Variants in GAD2 observed in about 807,000 individuals in gnomAD.
GAD2 encodes the protein glutamate decarboxylase 2.
A neutral mutation model predicts 80.1 loss-of-function variants in GAD2; 22 were observed. The ratio of observed to expected loss-of-function variants is 0.27; its 90% CI spans 0.20 to 0.39. The LOEUF is 0.39. Among genes scored for constraint, GAD2 ranks in the 10% least tolerant of loss-of-function variants. The pLI, the probability that GAD2 is intolerant of heterozygous loss-of-function variation, is 1.00. For missense variants in GAD2, 624 were observed against 738.4 expected (o/e 0.85, Z 1.80); for synonymous variants, 274 against 256.9 (o/e 1.07, Z -0.64).
chr10:26,297,516 A>G (rs571453657), intron 15 of GAD2, among the ~76,000 whole-genome samples: 1 of 152,352 alleles, frequency 6.6e-6, no homozygotes, highest in South Asian at 2.1e-4. Context: ...GCAGGCCCAA[A>G]GAGCTCTTGT....
chr10:26,255,594 A>G (rs1438889237), intron 8 of GAD2, among the ~76,000 whole-genome samples: 1 of 112,610 alleles, frequency 8.9e-6, no homozygotes, highest in Admixed American at 8.2e-5. Context: ...AATGTGAATT[A>G]TGGAAGGAAA....
Position 26,223,902 on chromosome 10 carries a change from T to G in GAD2, c.536T>G (p.Phe179Cys). The part of the protein sequence containing the change: ...YAIKTGHPRY[F>C]NQLSTGLDMV... The stretch of plus-strand genomic sequence containing the variant: ...TTTTATTCAGGGCATCCTAGATACT[T>G]CAATCAACTTTCTACTGGTTTGGAT... The change falls in exon 5 of 16, where the codon TTC (phenylalanine) becomes TGC (cysteine). Residue 179 changes from phenylalanine to cysteine, a missense_variant. Transcript: ENST00000376261. 4 of 1,608,290 alleles carry G rather than the reference T, an allele frequency of 2.5e-6. No individual in the cohort carries two copies. Among genetic ancestry groups the G allele is most frequent in the Non-Finnish European group, 3.4e-6 (4 of 1,177,746 alleles).
At chr10:26,232,589 G>A (rs940171306) in intron 7 of GAD2, among the ~76,000 whole-genome samples, 1 of 150,734 alleles carries the variant, frequency 6.6e-6, no homozygotes, top group Non-Finnish European at 1.5e-5. Flanking sequence ...CTCCATCTCT[G>A]GGGTTCAAGA....
chr10:26,226,827 A>G (rs1289541840), intron 6 of GAD2, among the ~76,000 whole-genome samples: 3 of 152,178 alleles, frequency 2.0e-5, no homozygotes, highest in Non-Finnish European at 4.4e-5. Context: ...TTGTGATGTC[A>G]CCTACACTGG....
chr10:26,259,992 A>G (rs1844990036), intron 8 of GAD2, among the ~76,000 whole-genome samples: 1 of 152,224 alleles, frequency 6.6e-6, no homozygotes, highest in African/African-American at 2.4e-5. Flanking sequence ...AAAAGAACCT[A>G]GATATAATCT....
intron 8 of GAD2, among the ~76,000 whole-genome samples, chr10:26,248,377 C>G (rs1392642304): frequency 3.3e-5 from 5 of 152,152 alleles, no homozygotes; most frequent in Admixed American, 2.6e-4. Context: ...CCTCCAGGCC[C>G]TTCAGGAAGA....
In GAD2 at chr10:26,223,915, T is replaced by C. The variant is rs145059012; in HGVS notation, c.549T>C (p.Ser183=). 19 of 1,609,894 alleles carry C rather than the reference T, an allele frequency of 1.2e-5. No individual in the cohort carries two copies. The highest frequency in any genetic ancestry group is 1.4e-5 in the Non-Finnish European group (16 of 1,178,642). Residue 183 remains serine, a synonymous_variant, in exon 5 of 16, where the codon TCT becomes TCC. Transcript: ENST00000376261. ...ATCCTAGATACTTCAATCAACTTTCTACTGGTTTGGATATGGTTGGATTAG... is the reference window on the plus strand; with the variant it reads ...ATCCTAGATACTTCAATCAACTTTCCACTGGTTTGGATATGGTTGGATTAG... ...TGHPRYFNQL[S]TGLDMVGLAA...
At chr10:26,234,918 G>A (rs1844652782) in intron 7 of GAD2, among the ~76,000 whole-genome samples, 1 of 152,070 alleles carries the variant, frequency 6.6e-6, no homozygotes, top group African/African-American at 2.4e-5. Context: ...TGTTACCCAG[G>A]CTAGAGTGCA....
At chr10:26,256,654 G>A (rs535972432) in intron 8 of GAD2, among the ~76,000 whole-genome samples, 2 of 152,342 alleles carry the variant, frequency 1.3e-5, no homozygotes, top group African/African-American at 4.8e-5. Flanking sequence ...TTAGATTCAA[G>A]TGATGCATTT....
intron 7 of GAD2, 63 bp from the exon 8 acceptor site, chr10:26,245,858 G>A: frequency 7.9e-7 from 1 of 1,264,862 alleles, no homozygotes; most frequent in Non-Finnish European, 1.1e-6. Flanking sequence ...AAAACAAACA[G>A]CCAGTGGAAT....
chr10:26,270,485 A>G (rs1279168328), intron 9 of GAD2, among the ~76,000 whole-genome samples, 155 bp from the exon 10 acceptor site: 2 of 152,136 alleles, frequency 1.3e-5, no homozygotes, highest in Non-Finnish European at 2.9e-5. Flanking sequence ...GTGAACATCA[A>G]TTTGTCCCAG....
chr10:26,276,391 T>C (rs796376691), intron 11 of GAD2, among the ~76,000 whole-genome samples: 86 of 152,190 alleles, frequency 5.7e-4, no homozygotes, highest in African/African-American at 1.8e-3. Context: ...TTTTTATTTA[T>C]TTATTTTTGA....
intron 12 of GAD2, among the ~76,000 whole-genome samples, chr10:26,282,050 C>G (rs1169311990): frequency 1.3e-5 from 2 of 152,078 alleles, no homozygotes; most frequent in Non-Finnish European, 2.9e-5. Context: ...TCAAGCGATT[C>G]TCATATCTCA....
chr10:26,221,801 G>A (rs1048303688), intron 4 of GAD2, among the ~76,000 whole-genome samples: 1 of 152,242 alleles, frequency 6.6e-6, no homozygotes, highest in African/African-American at 2.4e-5. Flanking sequence ...AGGCTGTGTG[G>A]CCACCCAATG....
chr10:26,292,818 C>T (rs894679446), intron 14 of GAD2, 84 bp from the exon 15 acceptor site: 26 of 1,149,066 alleles, frequency 2.3e-5, no homozygotes, highest in Middle Eastern at 3.9e-4. Context: ...TCTGAACCTG[C>T]TGAATACATC....
Position 26,218,005 on chromosome 10 carries a change from G to C in GAD2, c.286+14G>C. The C allele has an allele frequency of 6.3e-7, 1 of 1,584,648 alleles. No individual in the cohort carries two copies. The highest frequency in any genetic ancestry group is 1.1e-5 in the South Asian group (1 of 87,508). On this transcript the variant is annotated intron_variant, in intron 3 of 15. Coordinates refer to ENST00000376261, the MANE Select transcript of GAD2 (RefSeq NM_001134366.2). ...TCCATGCAACAGGTAAAGACTCAGC[G>C]GGGAGCCCCGGGGCGCCCCTGCCCC...
intron 12 of GAD2, among the ~76,000 whole-genome samples, chr10:26,281,928 A>C (rs1021450571): frequency 7.9e-5 from 12 of 152,138 alleles, no homozygotes; most frequent in Non-Finnish European, 1.3e-4. Context: ...GAAATTTTAA[A>C]TGTTGATCTT....
rs372865003 is a variant in GAD2, at chr10:26,292,420, C to G, written c.1387-45C>G. The G allele has an allele frequency of 2.1e-6, 3 of 1,446,604 alleles. No homozygotes were observed. The African/African-American group carries it at 4.2e-5, about 20-fold the overall frequency. 89.6% of individuals were successfully genotyped at this position (1,446,604 alleles called of 1,614,324 possible). A position where few individuals can be genotyped will look rare whatever the true frequency, so the allele number is the denominator to read the frequency against. Reference sequence around the variant, plus strand: ...CAGTCTCCAGGGAAATCGCTTCCTCCGCACTCTTAGCCTGCTTAATGAGCT... The same window carrying G: ...CAGTCTCCAGGGAAATCGCTTCCTCGGCACTCTTAGCCTGCTTAATGAGCT... On this transcript the variant is annotated intron_variant, in intron 13 of 15. Transcript: ENST00000376261.
chr10:26,242,930 G>T (rs8190660), intron 7 of GAD2, among the ~76,000 whole-genome samples: 8,103 of 152,186 alleles, frequency 0.053, 729 homozygotes, highest in African/African-American at 0.18. Context: ...TGGCTTGCAT[G>T]TACTTAGTTG....
Sources: allele counts gnomAD v4.1 joint callset (sites outside exome capture counted in the v4.1 genomes callset), GRCh38; gene constraint gnomAD v4.1.1; transcripts MANE v1.5; gene names NCBI Gene and HGNC (gene_info 2026-07-23, HGNC 2026-07-21).